SH2D4A: variants seen among roughly 807,000 people sequenced by gnomAD.
The protein encoded by SH2D4A is SH2 domain containing 4A, also known as SH2 domain-containing protein 4A.
In SH2D4A, 70 loss-of-function variants were observed where a neutral mutation model predicts 64.7. That is an observed-to-expected ratio of 1.08 (90% CI 0.89 to 1.32). The LOEUF is 1.32. SH2D4A is among the 40% of genes most tolerant of loss of function. The pLI is 0.00. For synonymous variants in SH2D4A, 268 were observed against 200.7 expected, an observed-to-expected ratio of 1.34 and a Z score of -2.83; for missense variants, 706 against 540.1, an observed-to-expected ratio of 1.31 and a Z score of -3.04.
At chr8:19,392,810 C>T (rs1442339298) in intron 8 of SH2D4A, among the ~76,000 whole-genome samples, 6 of 151,806 alleles carry the variant, frequency 4.0e-5, no homozygotes, top group African/African-American at 1.2e-4. Context: ...GGCATGATCT[C>T]GGCTCACTGC....
chr8:19,373,650 C>A lies in SH2D4A; in HGVS notation c.1038C>A (p.Pro346=). ...AGAAAACCTCAGACACCATAGCCCC[C>A]TGGTTCCATGGTGAGTGCAGAGATT... The part of the protein sequence containing the change: ...GYQKTSDTIA[P]WFHGILTLKK... Residue 346 remains proline, a synonymous_variant, in exon 8 of 10, where the codon CCC becomes CCA. Transcript: ENST00000265807. 1 of 1,613,124 alleles carries A rather than the reference C, an allele frequency of 6.2e-7. No individual in the cohort carries two copies.
chr8:19,389,609 T>A (rs919997228), intron 8 of SH2D4A, among the ~76,000 whole-genome samples: 3 of 152,130 alleles, frequency 2.0e-5, no homozygotes, highest in Non-Finnish European at 2.9e-5. Context: ...ATCTACTTTC[T>A]TGTGGGCTGC....
chr8:19,363,838 T>C (rs2052935472), intron 6 of SH2D4A: 1 of 539,396 alleles, frequency 1.9e-6, no homozygotes, highest in Non-Finnish European at 3.3e-6. Context: ...TCCTCTTCCT[T>C]TTCTCTCCCT....
intron 2 of SH2D4A, among the ~76,000 whole-genome samples, chr8:19,323,132 G>A (rs763991144): frequency 1.3e-5 from 2 of 151,992 alleles, no homozygotes; most frequent in Non-Finnish European, 2.9e-5. Flanking sequence ...TCTGCTTGCT[G>A]GGGTAGCTAG....
At chr8:19,324,206 G>A (rs2052237107) in intron 2 of SH2D4A, among the ~76,000 whole-genome samples, 1 of 152,152 alleles carries the variant, frequency 6.6e-6, no homozygotes, top group African/African-American at 2.4e-5. Flanking sequence ...TTAGCAGCGT[G>A]TTTCCCAGCA....
At chr8:19,350,807 A>AT (rs1440515230) in intron 4 of SH2D4A, among the ~76,000 whole-genome samples, 1 of 152,214 alleles carries the variant, frequency 6.6e-6, no homozygotes, top group Non-Finnish European at 1.5e-5. Flanking sequence ...AACATGTGCC[A>AT]TAAAATCTCA....
intron 4 of SH2D4A, among the ~76,000 whole-genome samples, chr8:19,356,585 C>T (rs1023072060): frequency 4.6e-5 from 7 of 152,112 alleles, no homozygotes; most frequent in East Asian, 1.9e-4. Context: ...GGTTGGCCTG[C>T]GGCAGGCAGG....
chr8:19,353,635 GGGATTACAGGCGTGA>G (rs2052742766), intron 4 of SH2D4A, among the ~76,000 whole-genome samples: 2 of 148,082 alleles, frequency 1.4e-5, no homozygotes, highest in Non-Finnish European at 1.5e-5. Flanking sequence ...CCAAAGTGCT[GGGATTACAGGCGTGA>G]GCCACCACAC....
At chr8:19,361,089 T>G (rs542524973) in intron 5 of SH2D4A, 114 bp from the exon 6 acceptor site, 27 of 529,956 alleles carry the variant, frequency 5.1e-5, no homozygotes, top group Admixed American at 1.9e-4. Context: ...GAGAGTTAGA[T>G]AGAAGTCAGC....
At chr8:19,363,709 T>C (rs1031635392) in intron 6 of SH2D4A, 1 of 316,674 alleles carries the variant, frequency 3.2e-6, no homozygotes, top group African/African-American at 2.1e-5. Flanking sequence ...CAATTGCCTC[T>C]TATTACTCAG....
intron 8 of SH2D4A, among the ~76,000 whole-genome samples, chr8:19,383,527 T>G (rs1453749529): frequency 6.6e-6 from 1 of 152,150 alleles, no homozygotes; most frequent in Non-Finnish European, 1.5e-5. Flanking sequence ...GGCCATATTT[T>G]CCTTTTTATT....
intron 2 of SH2D4A, among the ~76,000 whole-genome samples, chr8:19,331,284 C>T (rs1243216752): frequency 6.6e-6 from 1 of 152,194 alleles, no homozygotes; most frequent in Non-Finnish European, 1.5e-5. Flanking sequence ...TGTGAGAGGA[C>T]AAGACACAAT....
At chr8:19,318,536 G>T (rs7821915) in intron 1 of SH2D4A, among the ~76,000 whole-genome samples, 6,422 of 152,260 alleles carry the variant, frequency 0.042, 159 homozygotes, top group African/African-American at 0.048. Context: ...CTTTCAAGGA[G>T]CCATGCGGTA....
At position 19,394,554 on chromosome 8, in the gene SH2D4A, A is replaced by G; in HGVS notation, c.1277A>G (p.Glu426Gly). The change falls in exon 10 of 10, where the codon GAA (glutamate) becomes GGA (glycine). Residue 426 changes from glutamate to glycine, a missense_variant. Transcript: ENST00000265807. ...CCCGTGCCTTCTGATTGACAGGAGGAACCCATCACTTCCCTGGGGAAGGAG... is the reference window on the plus strand; with the variant it reads ...CCCGTGCCTTCTGATTGACAGGAGGGACCCATCACTTCCCTGGGGAAGGAG... Reference protein sequence around the residue: ...LADLVEYHKEEPITSLGKELL... With the variant: ...LADLVEYHKEGPITSLGKELL... 6.2e-7 allele frequency: 1 copy of G among 1,604,456 alleles called. No individual in the cohort carries two copies. Among genetic ancestry groups the G allele is most frequent in the Non-Finnish European group, 8.5e-7 (1 of 1,174,452 alleles).
intron 7 of SH2D4A, 133 bp downstream of exon 7, chr8:19,364,415 G>C (rs1307392419): frequency 3.2e-6 from 3 of 947,646 alleles, no homozygotes; most frequent in South Asian, 1.7e-5. Flanking sequence ...AAGTAGCTCA[G>C]GTTCATGTCT....
intron 8 of SH2D4A, among the ~76,000 whole-genome samples, chr8:19,380,567 G>C (rs1272414437): frequency 1.3e-5 from 2 of 152,100 alleles, no homozygotes; most frequent in Non-Finnish European, 2.9e-5. Context: ...TTAGATAAGG[G>C]TCCAACTTCA....
At chr8:19,339,048 C>T (rs1215272256) in intron 4 of SH2D4A, among the ~76,000 whole-genome samples, 2 of 152,234 alleles carry the variant, frequency 1.3e-5, no homozygotes, top group African/African-American at 2.4e-5. Context: ...GACAGTGCAG[C>T]CTTCAGTCTG....
At chr8:19,376,533 A>T (rs1433376517) in intron 8 of SH2D4A, among the ~76,000 whole-genome samples, 1 of 152,092 alleles carries the variant, frequency 6.6e-6, no homozygotes, top group African/African-American at 2.4e-5. Context: ...GAGGCAGGAG[A>T]ATTGCTTGAA....
chr8:19,365,619 T>C (rs115469952), intron 7 of SH2D4A, among the ~76,000 whole-genome samples: 169 of 152,336 alleles, frequency 1.1e-3, no homozygotes, highest in African/African-American at 3.8e-3. Context: ...GTATATTTGA[T>C]TGACAGCAAT....
Sources: allele counts gnomAD v4.1 joint callset (sites outside exome capture counted in the v4.1 genomes callset), GRCh38; gene constraint gnomAD v4.1.1; transcripts MANE v1.5; gene names NCBI Gene and HGNC (gene_info 2026-07-23, HGNC 2026-07-21).